Variants in ZMYM1 observed in about 807,000 individuals in gnomAD.
ZMYM1 encodes the protein zinc finger MYM-type containing 1, also known as zinc finger MYM-type protein 1.
A neutral mutation model predicts 60.0 loss-of-function variants in ZMYM1; 39 were observed. The observed-to-expected ratio is 0.65, with a 90% CI of 0.50 to 0.85. The LOEUF (loss-of-function observed/expected upper bound fraction) is 0.85, where lower values mean the gene tolerates loss of function less well. Among genes scored for constraint, ZMYM1 ranks in the 40% least tolerant of loss-of-function variants. The pLI is 0.00. For synonymous variants in ZMYM1, 413 were observed against 454.0 expected, an observed-to-expected ratio of 0.91 and a Z score of 1.15; for missense variants, 1,171 against 1,309.5, an observed-to-expected ratio of 0.89 and a Z score of 1.63.
intron 1 of ZMYM1, among the ~76,000 whole-genome samples, chr1:35,068,430 A>G (rs1239934135): frequency 5.3e-5 from 8 of 150,482 alleles, no homozygotes; most frequent in South Asian, 2.1e-4. Flanking sequence ...AAAAAAAAAA[A>G]AAAAGAAAAG....
intron 1 of ZMYM1, among the ~76,000 whole-genome samples, chr1:35,080,063 A>T (rs1005221577): frequency 6.6e-6 from 1 of 151,414 alleles, no homozygotes; most frequent in Admixed American, 6.6e-5. Context: ...TTTAGTCGAG[A>T]TCGTGCCACT....
rs755092530 is a variant in ZMYM1 at position 35,113,656 on chromosome 1, T to G, written c.1826T>G (p.Val609Gly). Residue 609 changes from valine (V) to glycine (G), a missense_variant, in exon 10 of 10, where the codon GTT (valine) becomes GGT (glycine). Coordinates refer to ENST00000359858, the MANE Select transcript of ZMYM1 (RefSeq NM_024772.5). The stretch of plus-strand genomic sequence containing the variant: ...ACATTTCGACTTATGAATTCACAAG[T>G]TGACTTCTATAACAGTACACAAATT... ...EETFRLMNSQ[V>G]DFYNSTQIQS... The G allele has an allele frequency of 1.9e-6, 3 of 1,612,560 alleles. No individual in the cohort carries two copies. In the African/African-American group the frequency reaches 4.0e-5, roughly 22 times the overall value.
intron 1 of ZMYM1, among the ~76,000 whole-genome samples, chr1:35,084,180 CTT>C (rs934685708): frequency 1.5e-3 from 219 of 142,432 alleles, no homozygotes; most frequent in African/African-American, 3.8e-3. Context: ...TTCCATTTAA[CTT>C]TTTTTTTTTT....
intron 1 of ZMYM1, among the ~76,000 whole-genome samples, chr1:35,086,366 G>A (rs1333948777): frequency 3.3e-5 from 5 of 151,814 alleles, no homozygotes; most frequent in South Asian, 2.1e-4. Flanking sequence ...GTGTGGTGGC[G>A]CAATCATATC....
At chr1:35,060,140 GTTGTTA>G (rs1321767798) in intron 1 of ZMYM1, among the ~76,000 whole-genome samples, 1 of 138,514 alleles carries the variant, frequency 7.2e-6, no homozygotes. Flanking sequence ...AATACTATTT[GTTGTTA>G]TTATTATTAT....
chr1:35,101,641 A>AC (rs1557683972), intron 4 of ZMYM1, among the ~76,000 whole-genome samples: 1 of 149,348 alleles, frequency 6.7e-6, no homozygotes, highest in African/African-American at 2.5e-5. Context: ...ACAACCGCCC[A>AC]CCCCCCAAAT....
chr1:35,081,884 T>TA (rs1264718515), intron 1 of ZMYM1, among the ~76,000 whole-genome samples: 3 of 152,036 alleles, frequency 2.0e-5, no homozygotes, highest in East Asian at 1.9e-4. Flanking sequence ...TTTTAGTAGA[T>TA]ACGGGTTTCA....
chr1:35,063,824 A>G (rs1641918720), intron 1 of ZMYM1, among the ~76,000 whole-genome samples: 1 of 152,224 alleles, frequency 6.6e-6, no homozygotes, highest in Non-Finnish European at 1.5e-5. Context: ...TAGTTCTATC[A>G]GGAAAGAAAT....
intron 1 of ZMYM1, among the ~76,000 whole-genome samples, chr1:35,083,071 A>G (rs1426992761): frequency 6.6e-6 from 1 of 151,984 alleles, no homozygotes; most frequent in Non-Finnish European, 1.5e-5. Flanking sequence ...CTTGAAGGAT[A>G]TTTTTACTGA....
Position 35,104,663 on chromosome 1 carries a change from A to C in ZMYM1, c.701A>C (p.Asn234Thr). ...AACTTCATCATGAACTGCTGTGAGAACTGTGGCACTTACTGTTACACCAGC... is the reference window on the plus strand; with the variant it reads ...AACTTCATCATGAACTGCTGTGAGACCTGTGGCACTTACTGTTACACCAGC... ...ANNFIMNCCE[N>T]CGTYCYTSSS... The change falls in exon 6 of 10, where the codon AAC (asparagine) becomes ACC (threonine). Residue 234 changes from asparagine (N) to threonine (T), a missense_variant. By Grantham distance (65) the Asn-to-Thr change is moderately conservative. Coordinates refer to ENST00000359858, the MANE Select transcript of ZMYM1 (RefSeq NM_024772.5). The C allele has an allele frequency of 1.2e-6, 2 of 1,614,160 alleles. No individual in the cohort carries two copies. Among genetic ancestry groups the C allele is most frequent in the Non-Finnish European group, 1.7e-6 (2 of 1,180,014 alleles).
intron 1 of ZMYM1, among the ~76,000 whole-genome samples, chr1:35,079,663 T>TG (rs200144484): frequency 0.013 from 1,996 of 152,226 alleles, 29 homozygotes; most frequent in African/African-American, 0.031. Context: ...CCTCATAGAC[T>TG]GGGGGGGTTA....
intron 1 of ZMYM1, among the ~76,000 whole-genome samples, chr1:35,080,666 T>C (rs1642340125): frequency 6.6e-6 from 1 of 151,922 alleles, no homozygotes; most frequent in Admixed American, 6.6e-5. Flanking sequence ...TCCGCCATCA[T>C]TGGTTGGTAG....
chr1:35,067,453 A>C (rs1453687030), intron 1 of ZMYM1, among the ~76,000 whole-genome samples: 3 of 151,510 alleles, frequency 2.0e-5, no homozygotes, highest in African/African-American at 7.3e-5. Context: ...ATGCCTGGCT[A>C]ATTTTTTTTT....
At chr1:35,117,144 T>TA (rs1553147835), downstream of ZMYM1, among the ~76,000 whole-genome samples, 15 of 150,714 alleles carry the variant, frequency 1.0e-4, no homozygotes, top group African/African-American at 3.4e-4. Flanking sequence ...TTTTTTTTTT[T>TA]AAAGACTATT....
At chr1:35,067,977 A>G (rs1642001082) in intron 1 of ZMYM1, among the ~76,000 whole-genome samples, 1 of 152,034 alleles carries the variant, frequency 6.6e-6, no homozygotes, top group African/African-American at 2.4e-5. Context: ...TTGTAGAGAC[A>G]GGGTCTCGCT....
At chr1:35,078,497 A>G (rs1642213152), upstream of ZMYM1, among the ~76,000 whole-genome samples, 1 of 147,942 alleles carries the variant, frequency 6.8e-6, no homozygotes, top group African/African-American at 2.5e-5. Flanking sequence ...AACATTTAAA[A>G]TATGCCATTA....
intron 1 of ZMYM1, among the ~76,000 whole-genome samples, chr1:35,091,982 A>G (rs142131767): frequency 0.013 from 1,835 of 145,952 alleles, 46 homozygotes; most frequent in African/African-American, 0.042. Context: ...CTGGAGTGCA[A>G]TGGCACAATC....
At chr1:35,081,560 C>T (rs1343110930) in intron 1 of ZMYM1, among the ~76,000 whole-genome samples, 1 of 152,162 alleles carries the variant, frequency 6.6e-6, no homozygotes, top group Non-Finnish European at 1.5e-5. Flanking sequence ...CTTAATTTCT[C>T]TCAGCAATGT....
chr1:35,105,982 A>C (rs1643879324), intron 6 of ZMYM1, among the ~76,000 whole-genome samples: 1 of 152,174 alleles, frequency 6.6e-6, no homozygotes, highest in South Asian at 2.1e-4. Flanking sequence ...GTGGACAGTC[A>C]TGGTGGCTTA....
Sources: gnomAD v4.1 joint callset for allele counts (sites outside exome capture counted in the v4.1 genomes callset) on GRCh38, gnomAD v4.1.1 for gene constraint, MANE v1.5 for transcripts, NCBI Gene and HGNC (gene_info 2026-07-23, HGNC 2026-07-21) for gene names.